Variants in TENM4 observed in about 807,000 individuals in gnomAD.
The protein encoded by TENM4 is teneurin transmembrane protein 4.
In TENM4, 82 loss-of-function variants were observed where a neutral mutation model predicts 243.3. That is an observed-to-expected ratio of 0.34 (90% CI 0.28 to 0.40). TENM4 has a LOEUF of 0.40. Among genes scored for constraint, TENM4 ranks in the 10% least tolerant of loss-of-function variants. The probability of loss-of-function intolerance (pLI) is 1.00; values close to 1 mark genes in which losing one functional copy is unlikely to be tolerated. For synonymous variants in TENM4, 1,412 were observed against 1,456.3 expected, an observed-to-expected ratio of 0.97 and a Z score of 0.69; for missense variants, 3,138 against 3,673.3, an observed-to-expected ratio of 0.85 and a Z score of 3.77.
At position 78,688,038 on chromosome 11, in the gene TENM4, C is replaced by T. The variant is rs1343671939; in HGVS notation, c.5260+16G>A. On this transcript the variant is annotated intron_variant, in intron 29 of 33. Coordinates refer to ENST00000278550, the MANE Select transcript of TENM4 (RefSeq NM_001098816.3). ...ACCCCTCTGCCTCAAAGTCCCCTGG[C>T]CCCCACCTGACTTACCTTGCAGCAG... The T allele has an allele frequency of 1.2e-6, 2 of 1,612,236 alleles. No individual in the cohort carries two copies. Among genetic ancestry groups the T allele is most frequent in the South Asian group, 1.1e-5 (1 of 90,682 alleles).
At chr11:79,205,736 A>G (rs528482273) in intron 3 of TENM4, among the ~76,000 whole-genome samples, 39 of 152,294 alleles carry the variant, frequency 2.6e-4, no homozygotes, top group Non-Finnish European at 4.6e-4. Flanking sequence ...GGCTAATTCC[A>G]GTTTTGGCTA....
intron 2 of TENM4, among the ~76,000 whole-genome samples, chr11:79,282,333 G>C (rs1312857073): frequency 6.6e-6 from 1 of 152,110 alleles, no homozygotes; most frequent in Non-Finnish European, 1.5e-5. Context: ...CTTTCTGTGT[G>C]ACCCGATACT....
chr11:78,939,783 A>G (rs1248368221), intron 6 of TENM4, among the ~76,000 whole-genome samples: 1 of 152,196 alleles, frequency 6.6e-6, no homozygotes, highest in Non-Finnish European at 1.5e-5. Context: ...GTTGTTAAAA[A>G]CAACGTATTT....
chr11:78,984,396 T>C (rs79552518), intron 6 of TENM4, among the ~76,000 whole-genome samples: 1,640 of 152,292 alleles, frequency 0.011, 36 homozygotes, highest in African/African-American at 0.037. Flanking sequence ...TAGTTTCCCC[T>C]CCGAGGTGTC....
At chr11:79,049,293 A>C (rs1370982408) in intron 6 of TENM4, among the ~76,000 whole-genome samples, 1 of 152,208 alleles carries the variant, frequency 6.6e-6, no homozygotes, top group Non-Finnish European at 1.5e-5. Flanking sequence ...AGGACGCATC[A>C]TTTCATTTTT....
At chr11:79,034,549 C>A (rs1193010451) in intron 6 of TENM4, among the ~76,000 whole-genome samples, 2 of 152,018 alleles carry the variant, frequency 1.3e-5, no homozygotes, top group South Asian at 4.2e-4. Context: ...AAATCTGAAA[C>A]CACCATGTAG....
At position 78,812,212 on chromosome 11, in the gene TENM4, A is replaced by C; in HGVS notation, c.1888T>G (p.Cys630Gly). 6.4e-7 allele frequency: 1 copy of C among 1,551,868 alleles called. No homozygotes were observed. The highest frequency in any genetic ancestry group is 8.7e-7 in the Non-Finnish European group (1 of 1,147,094). Residue 630 changes from cysteine (C) to glycine (G), a missense_variant, in exon 14 of 34, where the codon TGT becomes GGT. By Grantham distance (159) the Cys-to-Gly change is radical. Coordinates refer to ENST00000278550, the MANE Select transcript of TENM4 (RefSeq NM_001098816.3). ...GAECDVPTNQ[C>G]IDVACSNHGT... ...TGGTTGCTGCAGGCCACATCGATAC[A>C]CTGGTTGGTGGGCACATCGCACTCA...
intron 4 of TENM4, among the ~76,000 whole-genome samples, chr11:79,111,066 G>A (rs1266994103): frequency 1.3e-5 from 2 of 152,004 alleles, no homozygotes; most frequent in African/African-American, 2.4e-5. Context: ...TTGAATCATG[G>A]GGGTGGATTC....
At chr11:78,974,509 A>C (rs1382713766) in intron 6 of TENM4, among the ~76,000 whole-genome samples, 1 of 152,070 alleles carries the variant, frequency 6.6e-6, no homozygotes, top group Non-Finnish European at 1.5e-5. Flanking sequence ...GATTATTTTG[A>C]TTTTAGGCAA....
chr11:79,123,892 GCC>G (rs1861802591), intron 4 of TENM4, among the ~76,000 whole-genome samples: 1 of 152,146 alleles, frequency 6.6e-6, no homozygotes, highest in East Asian at 1.9e-4. Context: ...TGTGCTAGTG[GCC>G]CTGAGATCAA....
At chr11:79,136,557 A>G (rs1056332427) in intron 4 of TENM4, among the ~76,000 whole-genome samples, 2 of 152,156 alleles carry the variant, frequency 1.3e-5, no homozygotes, top group Non-Finnish European at 2.9e-5. Flanking sequence ...ACCATTCCTC[A>G]GGATTATTAG....
intron 2 of TENM4, among the ~76,000 whole-genome samples, chr11:79,228,325 G>A (rs1379570492): frequency 1.3e-5 from 2 of 152,160 alleles, no homozygotes; most frequent in Non-Finnish European, 2.9e-5. Flanking sequence ...CTTGTCACAG[G>A]TGGCCTTTTA....
chr11:79,409,095 TGTGTGTGCGC>T (rs767915716), intron 1 of TENM4, among the ~76,000 whole-genome samples: 1,309 of 107,004 alleles, frequency 0.012, 11 homozygotes, highest in African/African-American at 0.03. Flanking sequence ...TGTGTGTGTG[TGTGTGTGCGC>T]GCGCGCGCGT....
intron 23 of TENM4, among the ~76,000 whole-genome samples, chr11:78,725,865 A>G (rs1004434856): frequency 6.6e-6 from 1 of 152,252 alleles, no homozygotes; most frequent in African/African-American, 2.4e-5. Context: ...TCTCACAGGC[A>G]TAAAGCCTTG....
intron 6 of TENM4, among the ~76,000 whole-genome samples, chr11:79,020,063 T>C (rs1858886548): frequency 1.3e-5 from 2 of 152,180 alleles, no homozygotes; most frequent in African/African-American, 2.4e-5. Flanking sequence ...CACAATCCCT[T>C]GCCCTTTCCC....
intron 1 of TENM4, among the ~76,000 whole-genome samples, chr11:79,324,631 T>C (rs1187567648): frequency 1.3e-5 from 2 of 152,250 alleles, no homozygotes; most frequent in East Asian, 1.9e-4. Context: ...GATATAGATA[T>C]AGATATAATC....
chr11:78,889,795 T>G lies in TENM4; in HGVS notation c.1074A>C (p.Ala358=). ...VISATLVILL[A]YFVAMHLFGL... is the part of the protein sequence containing the mutation. The stretch of plus-strand genomic sequence containing the variant: ...TGAAGAGGTGCTTACCCACAAAGTA[T>G]GCCAGCAGGATGACCAGAGTGGCTG... The change falls in exon 9 of 34, where the codon GCA becomes GCC. Residue 358 remains alanine (A), a synonymous_variant. Transcript: ENST00000278550. 1 of 1,552,064 alleles carries G rather than the reference T, an allele frequency of 6.4e-7. No homozygotes were observed. The highest frequency in any genetic ancestry group is 8.7e-7 in the Non-Finnish European group (1 of 1,147,078).
At chr11:79,085,745 G>GTCACTCTT (rs61530266) in intron 4 of TENM4, among the ~76,000 whole-genome samples, 77,881 of 151,410 alleles carry the variant, frequency 0.51, 20,256 homozygotes, top group East Asian at 0.73. Flanking sequence ...TTTGGCTAAT[G>GTCACTCTT]TAAAACACCA....
At chr11:78,792,911 C>T (rs1468877926) in intron 15 of TENM4, among the ~76,000 whole-genome samples, 1 of 152,154 alleles carries the variant, frequency 6.6e-6, no homozygotes, top group Non-Finnish European at 1.5e-5. Context: ...GCCCAAGTCA[C>T]ACTTGTTCTC....
Sources: gnomAD v4.1 joint callset for allele counts (sites outside exome capture counted in the v4.1 genomes callset) on GRCh38, gnomAD v4.1.1 for gene constraint, MANE v1.5 for transcripts, NCBI Gene and HGNC (gene_info 2026-07-23, HGNC 2026-07-21) for gene names.